UBE2E2: variants seen among roughly 807,000 people sequenced by gnomAD.
UBE2E2 encodes ubiquitin-conjugating enzyme E2 E2.
Under a neutral mutation model 24.7 loss-of-function variants are expected in UBE2E2, and 6 were observed. The observed-to-expected ratio is 0.24, with a 90% CI of 0.13 to 0.48. The LOEUF is 0.48. Among genes scored for constraint, UBE2E2 ranks in the 20% least tolerant of loss-of-function variants. The pLI is 0.99. For synonymous variants in UBE2E2, 104 were observed against 83.6 expected (o/e 1.24, Z -1.33); for missense variants, 169 against 245.0 (o/e 0.69, Z 2.07).
At chr3:23,344,171 T>C (rs894524907) in intron 3 of UBE2E2, among the ~76,000 whole-genome samples, 2 of 152,202 alleles carry the variant, frequency 1.3e-5, no homozygotes, top group Non-Finnish European at 2.9e-5. Flanking sequence ...AATCATGTTA[T>C]TGATTATGTT....
chr3:23,270,295 C>G (rs947954511), intron 3 of UBE2E2, among the ~76,000 whole-genome samples: 1 of 151,560 alleles, frequency 6.6e-6, no homozygotes, highest in Non-Finnish European at 1.5e-5. Flanking sequence ...GTCTACTGTT[C>G]TGTGGTAGAA....
intron 3 of UBE2E2, among the ~76,000 whole-genome samples, chr3:23,484,495 GGAACAAA>G (rs1699320105): frequency 6.6e-6 from 1 of 152,046 alleles, no homozygotes; most frequent in African/African-American, 2.4e-5. Flanking sequence ...TGAATCCTGT[GGAACAAA>G]TACGTCTTAC....
chr3:23,451,134 G>A (rs1270816226), intron 3 of UBE2E2, among the ~76,000 whole-genome samples: 2 of 152,180 alleles, frequency 1.3e-5, no homozygotes, highest in Non-Finnish European at 2.9e-5. Context: ...GCACGGTGGT[G>A]CACACTTGTA....
chr3:23,544,721 A>G (rs951415784), intron 5 of UBE2E2, among the ~76,000 whole-genome samples: 5 of 152,212 alleles, frequency 3.3e-5, no homozygotes, highest in African/African-American at 1.2e-4. Flanking sequence ...GGAACAAGAG[A>G]CTTGGAAAAG....
In UBE2E2 at chr3:23,347,623, G is replaced by A. The variant is rs141400472; in HGVS notation, c.227+130311G>A. Reference sequence around the variant, plus strand: ...ATGTAAATGATGAGTTGATGGGTGCGGCAAACCAACATGGCACATGTATAC... The same window carrying A: ...ATGTAAATGATGAGTTGATGGGTGCAGCAAACCAACATGGCACATGTATAC... On this transcript the variant is annotated intron_variant, in intron 3 of 5. Coordinates refer to ENST00000396703, the MANE Select transcript of UBE2E2 (RefSeq NM_152653.4). Among the ~76,000 whole-genome samples the A allele has an allele frequency of 4.6e-3, 704 of 152,046 alleles. 3 individuals carry two copies. Among genetic ancestry groups the A allele is most frequent in the African/African-American group, 0.016 (658 of 41,468 alleles).
intron 3 of UBE2E2, among the ~76,000 whole-genome samples, chr3:23,441,504 A>C (rs1018802485): frequency 3.6e-5 from 5 of 138,324 alleles, no homozygotes; most frequent in African/African-American, 1.3e-4. Flanking sequence ...GCGCCACTGC[A>C]CTCCAGCCTG....
rs776731185 is a variant in UBE2E2 at position 23,280,469 on chromosome 3, CCACA to C, written c.227+63160_227+63163del. The stretch of plus-strand genomic sequence containing the variant: ...GGATTGTGAATGGTGCTAGAGGTGG[CCACA>C]CAATCTTTTTGGTCCTTCTTTGTTC... On this transcript the variant is annotated intron_variant, in intron 3 of 5. Transcript: ENST00000396703. This position sits in a 1 kb window ranked among gnomAD's most constrained non-coding sequence, Gnocchi z 4.3. 4.4e-4 allele frequency among the ~76,000 whole-genome samples: 67 copies of C among 152,160 alleles called. No individual in the cohort carries two copies. The highest frequency in any genetic ancestry group is 6.8e-4 in the Non-Finnish European group (46 of 68,028).
chr3:23,469,877 G>A (rs1698997633), intron 3 of UBE2E2, among the ~76,000 whole-genome samples: 1 of 152,158 alleles, frequency 6.6e-6, no homozygotes, highest in Non-Finnish European at 1.5e-5. Context: ...CATCTTCACA[G>A]CCTTTCTATG....
At chr3:23,224,167 T>G (rs941506892) in intron 3 of UBE2E2, among the ~76,000 whole-genome samples, 7 of 149,486 alleles carry the variant, frequency 4.7e-5, no homozygotes, top group African/African-American at 9.8e-5. Context: ...TTTTTTTTTT[T>G]TTTTTTTTTT....
At chr3:23,208,202 A>T (rs1013351216) in intron 1 of UBE2E2, among the ~76,000 whole-genome samples, 2 of 151,982 alleles carry the variant, frequency 1.3e-5, no homozygotes, top group Non-Finnish European at 2.9e-5. Flanking sequence ...GAGGTTCACT[A>T]CTGAATTTTA....
At chr3:23,249,900 C>A (rs1697527084) in intron 3 of UBE2E2, among the ~76,000 whole-genome samples, 1 of 152,170 alleles carries the variant, frequency 6.6e-6, no homozygotes, top group African/African-American at 2.4e-5. Flanking sequence ...TCATGATCCG[C>A]CTGCCTCTGC....
At chr3:23,204,894 G>A (rs1696104220) in intron 1 of UBE2E2, 1 of 416,526 alleles carries the variant, frequency 2.4e-6, no homozygotes, top group Non-Finnish European at 3.2e-6. Context: ...TGAACACTTG[G>A]TTTTGCAGTT....
chr3:23,209,739 A>G (rs1696265699), intron 2 of UBE2E2, among the ~76,000 whole-genome samples: 1 of 152,080 alleles, frequency 6.6e-6, no homozygotes, highest in South Asian at 2.1e-4. Flanking sequence ...AAAAACCATT[A>G]TTTTGTTCTA....
At chr3:23,388,675 T>C in intron 3 of UBE2E2, among the ~76,000 whole-genome samples, 1 of 152,198 alleles carries the variant, frequency 6.6e-6, no homozygotes. Context: ...ATTTAAATAG[T>C]ATTTTTTAAA....
intron 5 of UBE2E2, among the ~76,000 whole-genome samples, chr3:23,567,260 C>A (rs935567029): frequency 1.3e-5 from 2 of 152,016 alleles, no homozygotes. Flanking sequence ...AGTTTGAATC[C>A]CAGAAATAGA....
intron 4 of UBE2E2, among the ~76,000 whole-genome samples, chr3:23,501,327 A>G (rs1405441288): frequency 6.6e-6 from 1 of 152,124 alleles, no homozygotes; most frequent in Non-Finnish European, 1.5e-5. Context: ...AGCTGGGGGG[A>G]GAGAGTCAAA....
intron 3 of UBE2E2, among the ~76,000 whole-genome samples, chr3:23,306,625 A>C (rs1553601258): frequency 6.6e-6 from 1 of 152,124 alleles, no homozygotes; most frequent in Non-Finnish European, 1.5e-5. Context: ...AGTGGCACTG[A>C]TTGATGATTT....
intron 3 of UBE2E2, among the ~76,000 whole-genome samples, chr3:23,401,672 A>G (rs547435445): frequency 2.4e-4 from 37 of 151,998 alleles, no homozygotes; most frequent in Admixed American, 1.0e-3. Context: ...ACTTCATTAT[A>G]TATACATATG....
chr3:23,282,846 T>A (rs1349545353), intron 3 of UBE2E2, among the ~76,000 whole-genome samples: 5 of 152,058 alleles, frequency 3.3e-5, no homozygotes, highest in Admixed American at 3.3e-4. Flanking sequence ...TGAATTAATT[T>A]GGTAATGAAC....
Sources: allele counts gnomAD v4.1 joint callset (sites outside exome capture counted in the v4.1 genomes callset), GRCh38; gene constraint gnomAD v4.1.1; non-coding constraint Gnocchi (gnomAD v3.1); transcripts MANE v1.5; gene names NCBI Gene and HGNC (gene_info 2026-07-23, HGNC 2026-07-21).